Variants in SRRM2 observed in about 807,000 individuals in gnomAD.
The protein encoded by SRRM2 is serine/arginine repetitive matrix protein 2.
Under a neutral mutation model 213.8 loss-of-function variants are expected in SRRM2, and 30 were observed. The ratio of observed to expected loss-of-function variants is 0.14; its 90% CI spans 0.10 to 0.19. The LOEUF (loss-of-function observed/expected upper bound fraction) is 0.19, where lower values mean the gene tolerates loss of function less well. SRRM2 is among the 10% of genes least tolerant of loss of function. The pLI is 1.00. For missense variants in SRRM2, 4,904 were observed against 3,647.0 expected (o/e 1.34, Z -8.88); for synonymous variants, 2,025 against 1,377.7 (o/e 1.47, Z -10.40).
Position 2,762,876 on chromosome 16 carries a change from C to T in SRRM2, c.2348C>T (p.Ser783Phe), listed in dbSNP as rs2068408966. Residue 783 changes from serine (S) to phenylalanine (F), a missense_variant, in exon 11 of 15, where the codon TCC (serine) becomes TTC (phenylalanine). Ser to Phe is a radical substitution (Grantham distance 155, BLOSUM62 -2). Transcript: ENST00000301740. The part of the protein sequence containing the change: ...LSLRRSLSGS[S>F]PCPKQKSQTP... Reference sequence around the variant, plus strand: ...TTGAGGCGCAGCCTTTCAGGGTCTTCCCCATGCCCTAAACAAAAGTCACAG... The same window carrying T: ...TTGAGGCGCAGCCTTTCAGGGTCTTTCCCATGCCCTAAACAAAAGTCACAG... The T allele has an allele frequency of 6.2e-7, 1 of 1,614,188 alleles. No homozygotes were observed. Among genetic ancestry groups the T allele is most frequent in the South Asian group, 1.1e-5 (1 of 91,070 alleles).
chr16:2,763,533 A>G lies in SRRM2; in HGVS notation c.3005A>G (p.Gln1002Arg), dbSNP rs1173098493. 1 of 1,614,162 alleles carries G rather than the reference A, an allele frequency of 6.2e-7. No homozygotes were observed. The highest frequency in any genetic ancestry group is 8.5e-7 in the Non-Finnish European group (1 of 1,180,034). ...SISPYPKVKA[Q>R]TPPGPSLSGS... ...TCACCATACCCCAAAGTAAAGGCCCAAACTCCACCGGGGCCAAGTCTTTCT... is the reference window on the plus strand; with the variant it reads ...TCACCATACCCCAAAGTAAAGGCCCGAACTCCACCGGGGCCAAGTCTTTCT... The change falls in exon 11 of 15, where the codon CAA (glutamine) becomes CGA (arginine). Residue 1002 changes from glutamine (Q) to arginine (R), a missense_variant. Coordinates refer to ENST00000301740, the MANE Select transcript of SRRM2 (RefSeq NM_016333.4).
Position 2,765,113 on chromosome 16 carries a change from G to T in SRRM2, c.4585G>T (p.Ala1529Ser), listed in dbSNP as rs757498900. The change falls in exon 11 of 15, where the codon GCT becomes TCT. Residue 1529 changes from alanine to serine, a missense_variant. By Grantham distance (99) the Ala-to-Ser change is moderately conservative. Transcript: ENST00000301740. The part of the protein sequence containing the change: ...SESSVDQKTV[A>S]RTPLGQRSRS... ...ATCATCAGTTGATCAGAAAACTGTG[G>T]CTCGGACTCCCCTGGGGCAGAGAAG... is the stretch of plus-strand genomic sequence containing the variant. 1.6e-5 allele frequency: 26 copies of T among 1,614,140 alleles called. No homozygotes were observed. In the East Asian group the frequency reaches 2.0e-4, roughly 12 times the overall value.
intron 10 of SRRM2, chr16:2,760,765 G>T: frequency 2.3e-6 from 1 of 431,466 alleles, no homozygotes; most frequent in South Asian, 2.5e-5. Flanking sequence ...TGGAACAAAC[G>T]TTGTATCTTA....
chr16:2,755,501 A>G (rs1253049779), intron 1 of SRRM2, among the ~76,000 whole-genome samples: 1 of 152,216 alleles, frequency 6.6e-6, no homozygotes, highest in Non-Finnish European at 1.5e-5. Context: ...AGCAGAGTTG[A>G]AAACAGGTAA....
Position 2,767,595 on chromosome 16 carries a change from G to A in SRRM2, c.7067G>A (p.Arg2356Lys). Residue 2356 changes from arginine to lysine, a missense_variant, in exon 11 of 15, where the codon AGA becomes AAA. By Grantham distance (26) the Arg-to-Lys change is conservative. Transcript: ENST00000301740. ...GCTCCTGTGAATATTGCCGGCTCCA[G>A]AACCGCCGCAGCCTTGGCCCCCGCG... is the stretch of plus-strand genomic sequence containing the variant. ...ATAPVNIAGS[R>K]TAAALAPASL... is the part of the protein sequence containing the mutation. The A allele has an allele frequency of 6.2e-7, 1 of 1,614,176 alleles. No homozygotes were observed. Among genetic ancestry groups the A allele is most frequent in the Non-Finnish European group, 8.5e-7 (1 of 1,180,030 alleles).
rs1399812128 is a variant in SRRM2, at chr16:2,763,811, A to G, written c.3283A>G (p.Lys1095Glu). The change falls in exon 11 of 15, where the codon AAG becomes GAG. Residue 1095 changes from lysine (K) to glutamate (E), a missense_variant. Lys to Glu is a moderately conservative substitution (Grantham distance 56). Transcript: ENST00000301740. ...GCAGAGCAAATCTCAAACATCACCTAAGGGAGGTCGGTCCAGGTCTTCATC... is the reference window on the plus strand; with the variant it reads ...GCAGAGCAAATCTCAAACATCACCTGAGGGAGGTCGGTCCAGGTCTTCATC... ...SLQSKSQTSP[K>E]GGRSRSSSPV... The G allele has an allele frequency of 1.2e-6, 2 of 1,614,170 alleles. No individual in the cohort carries two copies. Among genetic ancestry groups the G allele is most frequent in the East Asian group, 2.2e-5 (1 of 44,888 alleles).
At position 2,770,435 on chromosome 16, in the gene SRRM2, CG is replaced by C. The variant is rs2068701563; in HGVS notation, c.8106del (p.Gln2704SerfsTer41). The C allele has an allele frequency of 6.2e-7, 1 of 1,610,076 alleles. No homozygotes were observed. The highest frequency in any genetic ancestry group is 8.5e-7 in the Non-Finnish European group (1 of 1,178,504). ...TCGCCTGTGGAGCGTCGCCGTCCCTCGCCCCAGCCCTCACCACGGGACCAGC... is the reference window on the plus strand; with the variant it reads ...TCGCCTGTGGAGCGTCGCCGTCCCTCCCCCAGCCCTCACCACGGGACCAGC... The part of the protein sequence containing the change: ...SYSPVERRRP[S>X]PQPSPRDQQS... On this transcript the variant is annotated frameshift_variant, in exon 13 of 15. Coordinates refer to ENST00000301740, the MANE Select transcript of SRRM2 (RefSeq NM_016333.4). LOFTEE classifies it high-confidence loss of function.
intron 1 of SRRM2, 158 bp downstream of exon 1, chr16:2,753,004 C>G (rs2067984125): frequency 6.5e-6 from 1 of 153,108 alleles, no homozygotes; most frequent in African/African-American, 2.4e-5. Context: ...CTCCCTTCCC[C>G]CTTCCCGCCG....
At chr16:2,768,802 C>T (rs1199666055) in intron 11 of SRRM2, 195 bp from the exon 12 acceptor site, 1 of 1,080,002 alleles carries the variant, frequency 9.3e-7, no homozygotes, top group Admixed American at 2.0e-5. Context: ...CGGGCCCCAG[C>T]CTGTTGCTTC....
In SRRM2 at chr16:2,765,612, C is replaced by T. The variant is rs779519534; in HGVS notation, c.5084C>T (p.Pro1695Leu). The T allele has an allele frequency of 4.0e-5, 64 of 1,614,030 alleles. No individual in the cohort carries two copies. In the Middle Eastern group the frequency reaches 4.9e-4, roughly 12 times the overall value. ...CGACGTCGCAGCTCTCGATCATCTC[C>T]GGAGCTAACAAGGAAGGCCAGACTG... ...PPRRRSSRSSPELTRKARLSR... is the reference protein window; with the variant it reads ...PPRRRSSRSSLELTRKARLSR... Residue 1695 changes from proline (P) to leucine (L), a missense_variant, in exon 11 of 15, where the codon CCG (proline) becomes CTG (leucine). Pro to Leu is a moderately conservative substitution (Grantham distance 98, BLOSUM62 -3). Transcript: ENST00000301740.
intron 4 of SRRM2, 38 bp from the exon 5 acceptor site, chr16:2,758,432 T>C (rs1484171079): frequency 1.3e-6 from 2 of 1,518,232 alleles, no homozygotes; most frequent in African/African-American, 1.4e-5. Context: ...GAATGTTTGT[T>C]CTACCACCCA....
chr16:2,758,492 T>G lies in SRRM2; in HGVS notation c.538T>G (p.Ser180Ala). ...PYSLVRESSS[S>A]RSPTPKQKKK... ...TAGCCTTGTTCGGGAGTCTAGCAGT[T>G]CTCGCTCACCAACCCCAAAGCAGAA... The change falls in exon 5 of 15, where the codon TCT becomes GCT. Residue 180 changes from serine to alanine, a missense_variant. By Grantham distance (99) the Ser-to-Ala change is moderately conservative (BLOSUM62 1). Coordinates refer to ENST00000301740, the MANE Select transcript of SRRM2 (RefSeq NM_016333.4). The G allele has an allele frequency of 6.2e-7, 1 of 1,614,056 alleles. No individual in the cohort carries two copies. The highest frequency in any genetic ancestry group is 2.2e-5 in the East Asian group (1 of 44,894).
Position 2,761,751 on chromosome 16 carries a change from C to A in SRRM2, c.1223C>A (p.Ser408Tyr), listed in dbSNP as rs746738960. 3 of 1,612,910 alleles carry A rather than the reference C, an allele frequency of 1.9e-6. No homozygotes were observed. The highest frequency in any genetic ancestry group is 2.5e-6 in the Non-Finnish European group (3 of 1,179,308). The change falls in exon 11 of 15, where the codon TCT becomes TAT. Residue 408 changes from serine (S) to tyrosine (Y), a missense_variant. Physicochemically the swap from Ser to Tyr is moderately radical, Grantham distance 144. Coordinates refer to ENST00000301740, the MANE Select transcript of SRRM2 (RefSeq NM_016333.4). Reference protein sequence around the residue: ...SPTRDRSPPKSPEKLPQSSSS... With the variant: ...SPTRDRSPPKYPEKLPQSSSS... ...ACTCGGGACCGTTCACCACCTAAGT[C>A]TCCCGAGAAACTTCCCCAGTCTTCT...
In SRRM2 at chr16:2,765,686, A is replaced by G; in HGVS notation, c.5158A>G (p.Thr1720Ala). ...ATCCTCACCAGAAACTCGCTCTAGA[A>G]CTCCCCCAAGGCACCGGAGAAGTCC... ...ASSSPETRSRTPPRHRRSPSV... is the reference protein window; with the variant it reads ...ASSSPETRSRAPPRHRRSPSV... The change falls in exon 11 of 15, where the codon ACT becomes GCT. Residue 1720 changes from threonine (T) to alanine (A), a missense_variant. Physicochemically the swap from Thr to Ala is moderately conservative, Grantham distance 58. Transcript: ENST00000301740. 12 of 1,613,752 alleles carry G rather than the reference A, an allele frequency of 7.4e-6. No individual in the cohort carries two copies. Among genetic ancestry groups the G allele is most frequent in the Non-Finnish European group, 1.0e-5 (12 of 1,179,938 alleles).
rs762201023 is a variant in SRRM2, at chr16:2,757,894, G to A, written c.464G>A (p.Arg155His). 2.5e-6 allele frequency: 4 copies of A among 1,614,106 alleles called. No homozygotes were observed. Among genetic ancestry groups the A allele is most frequent in the Non-Finnish European group, 3.4e-6 (4 of 1,180,024 alleles). Residue 155 changes from arginine to histidine, a missense_variant, in exon 4 of 15, where the codon CGT becomes CAT. Arg to His is a conservative substitution (Grantham distance 29). Coordinates refer to ENST00000301740, the MANE Select transcript of SRRM2 (RefSeq NM_016333.4). The stretch of plus-strand genomic sequence containing the variant: ...GATGGCAGCTCTTTTGATCCTCAGC[G>A]TCGTGCCCGAGAAGCTAAACAACCA... ...YVDGSSFDPQRRAREAKQPAP... is the reference protein window; with the variant it reads ...YVDGSSFDPQHRAREAKQPAP...
rs143703682 is a variant in SRRM2 at position 2,762,333 on chromosome 16, G to A, written c.1805G>A (p.Arg602His). 5.4e-5 allele frequency: 87 copies of A among 1,613,968 alleles called. No individual in the cohort carries two copies. The highest frequency in any genetic ancestry group is 3.2e-4 in the Admixed American group (19 of 60,000). The change falls in exon 11 of 15, where the codon CGT becomes CAT. Residue 602 changes from arginine to histidine, a missense_variant. Transcript: ENST00000301740. ...RRSRSRTPTR[R>H]RSRSRTPARR... Reference sequence around the variant, plus strand: ...TCACGATCCAGAACTCCCACCAGGCGTAGGTCTCGGTCTAGAACACCAGCC... The same window carrying A: ...TCACGATCCAGAACTCCCACCAGGCATAGGTCTCGGTCTAGAACACCAGCC...
rs1212721532 is a variant in SRRM2, at chr16:2,761,892, C to A, written c.1364C>A (p.Ser455Tyr). The A allele has an allele frequency of 1.2e-6, 2 of 1,613,184 alleles. No individual in the cohort carries two copies. The highest frequency in any genetic ancestry group is 1.7e-6 in the Non-Finnish European group (2 of 1,180,030). ...PAPGSHREIS[S>Y]SPTSKNRSHG... is the part of the protein sequence containing the mutation. ...CCAGGGTCCCACCGAGAGATTTCTT[C>A]TTCTCCCACATCTAAGAATCGCTCA... The change falls in exon 11 of 15, where the codon TCT (serine) becomes TAT (tyrosine). Residue 455 changes from serine to tyrosine, a missense_variant. By Grantham distance (144) the Ser-to-Tyr change is moderately radical. Transcript: ENST00000301740.
rs754449720 is a variant in SRRM2, at chr16:2,769,236, C to A, written c.7973C>A (p.Ala2658Asp). The A allele has an allele frequency of 4.8e-5, 76 of 1,585,922 alleles. No individual in the cohort carries two copies. In the Admixed American group the frequency reaches 1.1e-3, roughly 23 times the overall value. ...TCCCCTGCTAAGCCTGGCCCTCAGG[C>A]CTTGCCCAAACCTGCAAGCCCCAAG... ...SPSPAKPGPQ[A>D]LPKPASPKKP... Residue 2658 changes from alanine to aspartate, a missense_variant, in exon 12 of 15, where the codon GCC becomes GAC. By Grantham distance (126) the Ala-to-Asp change is moderately radical (BLOSUM62 -2). Coordinates refer to ENST00000301740, the MANE Select transcript of SRRM2 (RefSeq NM_016333.4).
chr16:2,766,547 C>T lies in SRRM2; in HGVS notation c.6019C>T (p.Arg2007Cys), dbSNP rs555127784. 34 of 1,613,662 alleles carry T rather than the reference C, an allele frequency of 2.1e-5. No individual in the cohort carries two copies. The highest frequency in any genetic ancestry group is 6.7e-5 in the African/African-American group (5 of 74,878). ...RTSPVTRRRS[R>C]SRTSPVTRRR... ...ATCTCCAGTAACTCGAAGAAGGTCC[C>T]GCTCTCGAACCTCACCAGTGACACG... The change falls in exon 11 of 15, where the codon CGC (arginine) becomes TGC (cysteine). Residue 2007 changes from arginine (R) to cysteine (C), a missense_variant. Coordinates refer to ENST00000301740, the MANE Select transcript of SRRM2 (RefSeq NM_016333.4). The surrounding 1 kb of genome is among the most constrained non-coding windows in gnomAD (Gnocchi z 7.0).
Sources: allele counts gnomAD v4.1 joint callset (sites outside exome capture counted in the v4.1 genomes callset), GRCh38; gene constraint gnomAD v4.1.1; non-coding constraint Gnocchi (gnomAD v3.1); transcripts MANE v1.5; gene names NCBI Gene and HGNC (gene_info 2026-07-23, HGNC 2026-07-21).